The following B4GALNT3 variants were observed in gnomAD, a reference collection of about 807,000 sequenced individuals.
B4GALNT3 encodes the protein beta-1,4-N-acetyl-galactosaminyltransferase 3.
B4GALNT3 carries 86 observed loss-of-function variants against 120.2 expected under a neutral mutation model. The observed-to-expected ratio is 0.72, with a 90% CI of 0.60 to 0.86. The LOEUF is 0.86. B4GALNT3 is among the 40% of genes least tolerant of loss of function. B4GALNT3 has a pLI of 0.00. For missense variants in B4GALNT3, 1,167 were observed against 1,298.9 expected, an observed-to-expected ratio of 0.90 and a Z score of 1.56; for synonymous variants, 518 against 510.4, an observed-to-expected ratio of 1.01 and a Z score of -0.20.
chr12:553,951 CT>C lies in B4GALNT3; in HGVS notation c.2030del (p.Phe677SerfsTer2), dbSNP rs771544982. 39 of 1,613,622 alleles carry C rather than the reference CT, an allele frequency of 2.4e-5. No individual in the cohort carries two copies. Among genetic ancestry groups the C allele is most frequent in the Non-Finnish European group, 2.0e-5 (24 of 1,179,850 alleles). Reference sequence around the variant, plus strand: ...AGGAAGCTCTGGAGGTCACGCGAGTCTTCTTGAAGAAGCTCAACCAGAGGAG... The same window carrying C: ...AGGAAGCTCTGGAGGTCACGCGAGTCTCTTGAAGAAGCTCAACCAGAGGAG... The part of the protein sequence containing the change: ...EQEALEVTRV[F>X]LKKLNQRSRG... On this transcript the variant is annotated frameshift_variant, in exon 14 of 20. Coordinates refer to ENST00000266383, the MANE Select transcript of B4GALNT3 (RefSeq NM_173593.4). LOFTEE classifies it high-confidence loss of function.
intron 3 of B4GALNT3, among the ~76,000 whole-genome samples, chr12:541,545 C>A (rs1466180864): frequency 6.6e-6 from 1 of 152,132 alleles, no homozygotes; most frequent in Non-Finnish European, 1.5e-5. Context: ...CCTTGGGGGA[C>A]GGGGTGGTTC....
rs191679082 is a variant in B4GALNT3 at position 550,975 on chromosome 12, A to G, written c.1051A>G (p.Lys351Glu). 3 of 1,614,158 alleles carry G rather than the reference A, an allele frequency of 1.9e-6. No homozygotes were observed. The highest frequency in any genetic ancestry group is 2.5e-6 in the Non-Finnish European group (3 of 1,179,994). ...CCACGTCCTGCCTGACTGTCCCTAC[A>G]AACCCAGCTATCTGGTGGATGGGCT... ...LRHVLPDCPY[K>E]PSYLVDGLPL... is the part of the protein sequence containing the mutation. The change falls in exon 11 of 20, where the codon AAA (lysine) becomes GAA (glutamate). Residue 351 changes from lysine to glutamate, a missense_variant. Lys to Glu is a moderately conservative substitution (Grantham distance 56, BLOSUM62 1). Coordinates refer to ENST00000266383, the MANE Select transcript of B4GALNT3 (RefSeq NM_173593.4). The surrounding 1 kb of genome is among the most constrained non-coding windows in gnomAD (Gnocchi z 4.1).
chr12:489,174 G>T (rs1323939285), intron 1 of B4GALNT3, among the ~76,000 whole-genome samples: 20 of 150,372 alleles, frequency 1.3e-4, no homozygotes, highest in African/African-American at 3.4e-4. Context: ...GGGTTGGGGT[G>T]GGGGGGCAAG....
chr12:553,712 G>A lies in B4GALNT3; in HGVS notation c.1789G>A (p.Ala597Thr), dbSNP rs202219145. ...TGGGGAGGAGGAAGTGGTGGCGGCC[G>A]CAGGCCAGGAAGGACAAGTGGAGGG... ...WHGEEEVVAA[A>T]GQEGQVEGEE... Residue 597 changes from alanine (A) to threonine (T), a missense_variant, in exon 14 of 20, where the codon GCA becomes ACA. Physicochemically the swap from Ala to Thr is moderately conservative, Grantham distance 58. This residue lies in a region of B4GALNT3 where 983 missense variants were observed against 1,102.5 expected (regional missense o/e 0.89). Transcript: ENST00000266383. The A allele has an allele frequency of 4.4e-5, 71 of 1,613,946 alleles. No homozygotes were observed. The highest frequency in any genetic ancestry group is 1.8e-4 in the Admixed American group (11 of 60,004).
chr12:529,505 C>T lies in B4GALNT3; in HGVS notation c.170-5661C>T, dbSNP rs150811916. On this transcript the variant is annotated intron_variant, in intron 1 of 19. Transcript: ENST00000266383. ...GAGGTGAATCTAACTCATTTGGGGC[C>T]GACGATACTACTCCCAGCGTAGATC... 3.0e-4 allele frequency among the ~76,000 whole-genome samples: 45 copies of T among 152,216 alleles called. No homozygotes were observed. In the South Asian group the frequency reaches 6.2e-3, roughly 21 times the overall value.
intron 1 of B4GALNT3, among the ~76,000 whole-genome samples, chr12:513,408 G>A (rs762052857): frequency 5.3e-5 from 8 of 152,174 alleles, no homozygotes; most frequent in Non-Finnish European, 7.3e-5. Context: ...TGGGTTATTC[G>A]TGCCTCTCAT....
chr12:536,782 G>T (rs1163801066), intron 3 of B4GALNT3, among the ~76,000 whole-genome samples: 1 of 152,162 alleles, frequency 6.6e-6, no homozygotes, highest in Non-Finnish European at 1.5e-5. Context: ...TCAGCTTTGC[G>T]ACCCTGTGGA....
chr12:465,281 C>T (rs554290994), intron 1 of B4GALNT3, among the ~76,000 whole-genome samples: 65 of 152,278 alleles, frequency 4.3e-4, no homozygotes, highest in African/African-American at 1.3e-3. Context: ...TGTGTGTCTT[C>T]TAATCAACTT....
chr12:541,825 C>A (rs1946918883), intron 3 of B4GALNT3, among the ~76,000 whole-genome samples: 1 of 133,090 alleles, frequency 7.5e-6, no homozygotes, highest in Non-Finnish European at 1.6e-5. Context: ...CCTCTCCCTG[C>A]CCAGTCCCCC....
chr12:490,640 G>A (rs1399021197), intron 1 of B4GALNT3, among the ~76,000 whole-genome samples: 1 of 152,004 alleles, frequency 6.6e-6, no homozygotes, highest in Admixed American at 6.6e-5. Context: ...TGAGGCTGGA[G>A]GATCATTTGA....
chr12:488,302 A>G (rs1213870671), intron 1 of B4GALNT3, among the ~76,000 whole-genome samples: 1 of 152,242 alleles, frequency 6.6e-6, no homozygotes, highest in East Asian at 1.9e-4. Context: ...GTAGTTCTTT[A>G]AAGAGAAAGA....
intron 1 of B4GALNT3, among the ~76,000 whole-genome samples, chr12:469,851 T>G (rs1030801713): frequency 2.6e-5 from 4 of 152,174 alleles, no homozygotes; most frequent in Non-Finnish European, 1.5e-5. Flanking sequence ...GGGGTCTCAC[T>G]ATGTTGCTCA....
chr12:507,254 T>G (rs951816069), intron 1 of B4GALNT3, among the ~76,000 whole-genome samples: 2 of 152,220 alleles, frequency 1.3e-5, no homozygotes, highest in Admixed American at 1.3e-4. Flanking sequence ...TTTTGTGATA[T>G]ATATGGCAAC....
intron 1 of B4GALNT3, among the ~76,000 whole-genome samples, chr12:504,888 T>G (rs1157155349): frequency 6.6e-6 from 1 of 150,852 alleles, no homozygotes; most frequent in Non-Finnish European, 1.5e-5. Flanking sequence ...AAAGAATTCA[T>G]CACAGGTTTT....
chr12:534,191 A>G (rs575027679), intron 1 of B4GALNT3, among the ~76,000 whole-genome samples: 3 of 152,294 alleles, frequency 2.0e-5, no homozygotes, highest in Admixed American at 1.3e-4. Context: ...GTGAGCCTTG[A>G]TCAGCCATTT....
At chr12:512,136 C>T (rs1343257696) in intron 1 of B4GALNT3, among the ~76,000 whole-genome samples, 1 of 121,140 alleles carries the variant, frequency 8.3e-6, no homozygotes, top group African/African-American at 3.8e-5. Context: ...TTCCACCTTC[C>T]ACCTTCCACC....
intron 1 of B4GALNT3, among the ~76,000 whole-genome samples, chr12:508,121 G>A (rs1946515501): frequency 6.6e-6 from 1 of 152,244 alleles, no homozygotes; most frequent in Non-Finnish European, 1.5e-5. Context: ...GAGACAGAAT[G>A]TCTTCTCTTA....
At chr12:511,407 C>CCACCTTCCACCTT (rs1946555190) in intron 1 of B4GALNT3, among the ~76,000 whole-genome samples, 1 of 69,238 alleles carries the variant, frequency 1.4e-5, no homozygotes. Context: ...CTTCCACCTT[C>CCACCTTCCACCTT]CTTCCACCTT....
intron 2 of B4GALNT3, among the ~76,000 whole-genome samples, chr12:535,877 G>C (rs577141903): frequency 1.3e-5 from 2 of 152,162 alleles, no homozygotes; most frequent in Non-Finnish European, 2.9e-5. Flanking sequence ...GGAGGGTTTG[G>C]TGGTGTCCCT....
Sources: allele counts gnomAD v4.1 joint callset (sites outside exome capture counted in the v4.1 genomes callset), GRCh38; gene constraint gnomAD v4.1.1; regional missense constraint gnomAD v4.1.1; non-coding constraint Gnocchi (gnomAD v3.1); transcripts MANE v1.5; gene names NCBI Gene and HGNC (gene_info 2026-07-23, HGNC 2026-07-21).